Variants in CPNE4 observed in about 807,000 individuals in gnomAD.
CPNE4 encodes the protein copine 4.
Under a neutral mutation model 67.9 loss-of-function variants are expected in CPNE4, and 25 were observed. That is an observed-to-expected ratio of 0.37 (90% CI 0.27 to 0.51). CPNE4 has a LOEUF of 0.51. CPNE4 is among the 20% of genes least tolerant of loss of function. The pLI is 0.93. For missense variants in CPNE4, 464 were observed against 690.8 expected (o/e 0.67, Z 3.68); for synonymous variants, 242 against 244.9 (o/e 0.99, Z 0.11).
At chr3:131,675,356 G>A (rs531411673) in intron 6 of CPNE4, among the ~76,000 whole-genome samples, 1 of 152,186 alleles carries the variant, frequency 6.6e-6, no homozygotes, top group Admixed American at 6.5e-5. Flanking sequence ...GAAGTCCAAG[G>A]TTTCTTTGTT....
At chr3:131,965,728 G>A (rs1009246846) in intron 1 of CPNE4, among the ~76,000 whole-genome samples, 3 of 152,190 alleles carry the variant, frequency 2.0e-5, no homozygotes, top group African/African-American at 7.2e-5. Flanking sequence ...CATAAAGCAA[G>A]TTCTTAGAGA....
At chr3:131,837,956 G>A (rs1479339183) in intron 2 of CPNE4, among the ~76,000 whole-genome samples, 1 of 151,838 alleles carries the variant, frequency 6.6e-6, no homozygotes, top group African/African-American at 2.4e-5. Context: ...ACAGTTTTTA[G>A]TAAGTTTACA....
At chr3:131,583,205 C>T (rs1269823282) in intron 8 of CPNE4, among the ~76,000 whole-genome samples, 1 of 152,212 alleles carries the variant, frequency 6.6e-6, no homozygotes, top group Non-Finnish European at 1.5e-5. Flanking sequence ...GGCCTAATCT[C>T]CTAATCTGTC....
At chr3:131,559,512 T>C (rs1936644693) in intron 11 of CPNE4, among the ~76,000 whole-genome samples, 1 of 152,176 alleles carries the variant, frequency 6.6e-6, no homozygotes, top group Middle Eastern at 3.4e-3. Context: ...AGTACATTTA[T>C]GTTCTTTTGA....
intron 2 of CPNE4, among the ~76,000 whole-genome samples, chr3:131,899,341 A>G (rs1015473067): frequency 5.9e-5 from 9 of 152,098 alleles, no homozygotes; most frequent in Non-Finnish European, 1.0e-4. Context: ...AAGACCCCAC[A>G]TTGCCAGATT....
chr3:131,546,186 G>C (rs769772661), intron 14 of CPNE4, among the ~76,000 whole-genome samples: 5 of 152,188 alleles, frequency 3.3e-5, no homozygotes, highest in Non-Finnish European at 7.4e-5. Context: ...GGTCTGAAGA[G>C]ATTGTCAGGA....
intron 14 of CPNE4, chr3:131,543,083 C>A: frequency 3.0e-6 from 1 of 338,890 alleles, no homozygotes; most frequent in Non-Finnish European, 5.4e-6. Context: ...AAGCCTCATT[C>A]TGTGAGACCC....
At chr3:131,713,014 G>A (rs1182811774) in intron 3 of CPNE4, among the ~76,000 whole-genome samples, 1 of 152,174 alleles carries the variant, frequency 6.6e-6, no homozygotes, top group Non-Finnish European at 1.5e-5. Flanking sequence ...TGGCATAAGT[G>A]GCTCCCTGGA....
intron 6 of CPNE4, among the ~76,000 whole-genome samples, chr3:131,676,052 ATTATTATTATTATT>A (rs2080555175): frequency 6.8e-6 from 1 of 146,328 alleles, no homozygotes; most frequent in Non-Finnish European, 1.5e-5. Context: ...TATTATTATT[ATTATTATTATTATT>A]ATTATTTGAG....
intron 7 of CPNE4, among the ~76,000 whole-genome samples, chr3:131,658,807 T>A (rs1447703157): frequency 6.6e-6 from 1 of 152,236 alleles, no homozygotes; most frequent in Non-Finnish European, 1.5e-5. Context: ...GGTCTCTTCA[T>A]GTTTTATTTG....
At chr3:131,730,255 A>C (rs2082097589) in intron 2 of CPNE4, among the ~76,000 whole-genome samples, 1 of 152,224 alleles carries the variant, frequency 6.6e-6, no homozygotes, top group Non-Finnish European at 1.5e-5. Flanking sequence ...GTCATAGTAT[A>C]ATTGGAAACA....
At chr3:131,871,309 A>C (rs903196434) in intron 2 of CPNE4, among the ~76,000 whole-genome samples, 2 of 152,060 alleles carry the variant, frequency 1.3e-5, no homozygotes, top group African/African-American at 4.8e-5. Flanking sequence ...AATCAGTGGG[A>C]TTTGCCCTGA....
chr3:131,862,375 C>G (rs1404234275), intron 2 of CPNE4, among the ~76,000 whole-genome samples: 1 of 152,122 alleles, frequency 6.6e-6, no homozygotes, highest in Non-Finnish European at 1.5e-5. Context: ...CTAAATCTGT[C>G]ACATCCTCAT....
At chr3:131,691,564 G>A (rs1364150122) in intron 5 of CPNE4, among the ~76,000 whole-genome samples, 1 of 152,130 alleles carries the variant, frequency 6.6e-6, no homozygotes, top group African/African-American at 2.4e-5. Context: ...AGGGAGGGGA[G>A]CAAGGGCTGA....
intron 2 of CPNE4, among the ~76,000 whole-genome samples, chr3:131,847,840 G>T (rs1347438676): frequency 2.0e-5 from 3 of 152,106 alleles, no homozygotes; most frequent in Non-Finnish European, 4.4e-5. Flanking sequence ...GTCCTGTGTT[G>T]TTCCTCTTGT....
At chr3:131,564,483 G>T (rs931863973) in intron 10 of CPNE4, 134 bp from the exon 11 acceptor site, 1 of 809,318 alleles carries the variant, frequency 1.2e-6, no homozygotes, top group Non-Finnish European at 1.9e-6. Flanking sequence ...TAAAGAAAGA[G>T]AATAAACTAA....
intron 2 of CPNE4, among the ~76,000 whole-genome samples, chr3:131,845,492 A>G (rs1583312857): frequency 6.6e-6 from 1 of 152,320 alleles, no homozygotes; most frequent in East Asian, 1.9e-4. Flanking sequence ...AATCATAGTC[A>G]AATCTTCTGA....
At chr3:131,604,367 G>A (rs191419941) in intron 7 of CPNE4, among the ~76,000 whole-genome samples, 1 of 152,240 alleles carries the variant, frequency 6.6e-6, no homozygotes, top group Admixed American at 6.5e-5. Context: ...AATGCCTTTT[G>A]ATTGACTGAT....
intron 2 of CPNE4, among the ~76,000 whole-genome samples, chr3:131,885,866 A>C (rs1357707806): frequency 1.3e-5 from 2 of 152,236 alleles, no homozygotes; most frequent in African/African-American, 4.8e-5. Flanking sequence ...AAAGCATTCA[A>C]AAGGTGACGT....
Sources: gnomAD v4.1 joint callset for allele counts (sites outside exome capture counted in the v4.1 genomes callset) on GRCh38, gnomAD v4.1.1 for gene constraint, MANE v1.5 for transcripts, NCBI Gene and HGNC (gene_info 2026-07-23, HGNC 2026-07-21) for gene names.